The following AGBL4 variants were observed in gnomAD, a reference collection of about 807,000 sequenced individuals.
The protein encoded by AGBL4 is AGBL carboxypeptidase 4.
AGBL4 carries 58 observed loss-of-function variants against 66.4 expected under a neutral mutation model. The ratio of observed to expected loss-of-function variants is 0.87; its 90% CI spans 0.71 to 1.09. The LOEUF (loss-of-function observed/expected upper bound fraction) is 1.09. Ranked by LOEUF, AGBL4 falls within the 50% of genes least tolerant of loss-of-function variation. AGBL4 has a pLI of 0.00. For synonymous variants in AGBL4, 234 were observed against 222.9 expected (o/e 1.05, Z -0.44); for missense variants, 579 against 631.0 (o/e 0.92, Z 0.88).
intron 3 of AGBL4, among the ~76,000 whole-genome samples, chr1:49,279,863 T>C (rs1644241166): frequency 6.6e-6 from 1 of 152,076 alleles, no homozygotes. Context: ...TGATATTCCA[T>C]CCCCAGAACT....
chr1:49,690,984 G>A (rs933338577), intron 3 of AGBL4, among the ~76,000 whole-genome samples: 8 of 152,102 alleles, frequency 5.3e-5, no homozygotes, highest in African/African-American at 9.7e-5. Flanking sequence ...TATGTCTAAC[G>A]AAAAGTCTGT....
At chr1:48,831,417 A>G (rs542483808) in intron 6 of AGBL4, among the ~76,000 whole-genome samples, 5 of 152,208 alleles carry the variant, frequency 3.3e-5, no homozygotes, top group Admixed American at 6.5e-5. Flanking sequence ...AGTCAGATGC[A>G]AGTTAATCCT....
At chr1:48,864,024 G>A (rs1434430701) in intron 6 of AGBL4, among the ~76,000 whole-genome samples, 1 of 151,918 alleles carries the variant, frequency 6.6e-6, no homozygotes, top group Non-Finnish European at 1.5e-5. Flanking sequence ...CCATAGTCTG[G>A]GAGAAGACGT....
chr1:48,738,395 A>C (rs557497339), intron 6 of AGBL4, among the ~76,000 whole-genome samples: 1 of 152,320 alleles, frequency 6.6e-6, no homozygotes, highest in South Asian at 2.1e-4. Flanking sequence ...GCAGCCTTGG[A>C]GTGAGATGTA....
At chr1:49,587,300 AAAGAGAAGAG>A (rs529939900) in intron 3 of AGBL4, among the ~76,000 whole-genome samples, 9 of 151,872 alleles carry the variant, frequency 5.9e-5, no homozygotes, top group South Asian at 2.1e-4. Flanking sequence ...AAGAAAAAGA[AAAGAGAAGAG>A]AAGAGAAGAG....
chr1:49,288,788 T>G (rs933590927), intron 3 of AGBL4, among the ~76,000 whole-genome samples: 1 of 152,066 alleles, frequency 6.6e-6, no homozygotes, highest in Non-Finnish European at 1.5e-5. Flanking sequence ...GCCCTTGGAG[T>G]AAGGGCAAGC....
intron 5 of AGBL4, among the ~76,000 whole-genome samples, chr1:49,034,047 C>T (rs938761458): frequency 6.6e-6 from 1 of 151,940 alleles, no homozygotes; most frequent in Non-Finnish European, 1.5e-5. Context: ...ATTCCTATCA[C>T]CCAGGGGCCT....
At chr1:49,155,555 G>A (rs1397612576) in intron 4 of AGBL4, among the ~76,000 whole-genome samples, 1 of 152,100 alleles carries the variant, frequency 6.6e-6, no homozygotes, top group South Asian at 2.1e-4. Flanking sequence ...AGAATTTCAA[G>A]TCATATAGCC....
At chr1:48,770,168 G>A (rs1006162238) in intron 6 of AGBL4, among the ~76,000 whole-genome samples, 1 of 152,202 alleles carries the variant, frequency 6.6e-6, no homozygotes, top group African/African-American at 2.4e-5. Flanking sequence ...GAGCAAGGCT[G>A]ATCCTTCCTC....
intron 4 of AGBL4, among the ~76,000 whole-genome samples, chr1:49,185,549 G>T (rs1647001011): frequency 6.6e-6 from 1 of 152,128 alleles, no homozygotes; most frequent in African/African-American, 2.4e-5. Context: ...AGCTATTTTA[G>T]CATTCTCTTA....
chr1:48,830,333 C>T (rs2148782669), intron 6 of AGBL4, among the ~76,000 whole-genome samples: 1 of 152,336 alleles, frequency 6.6e-6, no homozygotes, highest in Admixed American at 6.5e-5. Flanking sequence ...TGCAACTCTA[C>T]TTTACAGATG....
chr1:49,740,362 T>C (rs560618467), intron 2 of AGBL4, among the ~76,000 whole-genome samples: 1 of 152,244 alleles, frequency 6.6e-6, no homozygotes, highest in East Asian at 1.9e-4. Context: ...ATCCTAAATA[T>C]ATAGGCGCCC....
At chr1:49,784,122 A>C (rs1644397538) in intron 2 of AGBL4, among the ~76,000 whole-genome samples, 1 of 152,110 alleles carries the variant, frequency 6.6e-6, no homozygotes, top group Non-Finnish European at 1.5e-5. Context: ...AGAAATTGGC[A>C]ATTTTGTTCA....
chr1:49,264,222 A>G (rs1653509643), intron 3 of AGBL4, among the ~76,000 whole-genome samples: 1 of 152,148 alleles, frequency 6.6e-6, no homozygotes, highest in Admixed American at 6.5e-5. Flanking sequence ...AGGATCTGAA[A>G]GATGACAAAA....
At chr1:49,608,754 T>TA (rs1272258696) in intron 3 of AGBL4, among the ~76,000 whole-genome samples, 12 of 151,686 alleles carry the variant, frequency 7.9e-5, no homozygotes, top group East Asian at 1.9e-4. Flanking sequence ...GAAAAAGAAC[T>TA]AAAAAAAAGA....
chr1:48,574,207 C>G (rs1429077158), intron 11 of AGBL4, among the ~76,000 whole-genome samples: 1 of 152,192 alleles, frequency 6.6e-6, no homozygotes, highest in Non-Finnish European at 1.5e-5. Flanking sequence ...ATTGCCCCAC[C>G]ACCTATGCAC....
intron 3 of AGBL4, among the ~76,000 whole-genome samples, chr1:49,530,724 T>G (rs1362805717): frequency 6.6e-6 from 1 of 152,038 alleles, no homozygotes; most frequent in African/African-American, 2.4e-5. Context: ...GGATTAAAAC[T>G]AAGAAAGTCC....
At chr1:49,954,643 A>G (rs12725998) in intron 1 of AGBL4, among the ~76,000 whole-genome samples, 63,713 of 151,872 alleles carry the variant, frequency 0.42, 15,842 homozygotes, top group Non-Finnish European at 0.56. Context: ...GACATTTCAT[A>G]TGGCACTATA....
chr1:49,512,854 C>G (rs74342481), intron 3 of AGBL4, among the ~76,000 whole-genome samples: 15 of 151,562 alleles, frequency 9.9e-5, no homozygotes, highest in Admixed American at 9.2e-4. Flanking sequence ...TAGAAAGTGA[C>G]CAAAAAAAAA....
Sources: allele counts gnomAD v4.1 joint callset (sites outside exome capture counted in the v4.1 genomes callset), GRCh38; gene constraint gnomAD v4.1.1; transcripts MANE v1.5; gene names NCBI Gene and HGNC (gene_info 2026-07-23, HGNC 2026-07-21).